Variants in NCOA3 observed in about 807,000 individuals in gnomAD.
NCOA3 encodes the protein CBP-interacting protein.
In NCOA3, 51 loss-of-function variants were observed where a neutral mutation model predicts 158.8. The ratio of observed to expected loss-of-function variants is 0.32; its 90% CI spans 0.26 to 0.41. The LOEUF is 0.41. Ranked by LOEUF, NCOA3 falls within the 10% of genes least tolerant of loss-of-function variation. The pLI is 1.00. For missense variants in NCOA3, 1,510 were observed against 1,746.6 expected (o/e 0.86, Z 2.41); for synonymous variants, 537 against 592.4 (o/e 0.91, Z 1.36).
At chr20:47,524,044 G>A (rs2084387228) in intron 1 of NCOA3, among the ~76,000 whole-genome samples, 1 of 152,236 alleles carries the variant, frequency 6.6e-6, no homozygotes, top group Non-Finnish European at 1.5e-5. Context: ...ATGGCTTAAA[G>A]GAATGTAGGA....
At chr20:47,645,665 G>C (rs558646877) in intron 17 of NCOA3, among the ~76,000 whole-genome samples, 5 of 152,136 alleles carry the variant, frequency 3.3e-5, no homozygotes, top group Non-Finnish European at 7.4e-5. Context: ...AGGTAAGCAT[G>C]CATGATCAGT....
intron 1 of NCOA3, among the ~76,000 whole-genome samples, chr20:47,539,896 C>G (rs1326937331): frequency 3.3e-5 from 5 of 152,142 alleles, no homozygotes; most frequent in African/African-American, 4.8e-5. Flanking sequence ...AATAACATGA[C>G]ATATTCTGAT....
chr20:47,505,216 C>T (rs2084013658), intron 1 of NCOA3, among the ~76,000 whole-genome samples: 2 of 151,012 alleles, frequency 1.3e-5, no homozygotes, highest in East Asian at 1.9e-4. Context: ...TGCGCACCAC[C>T]ACGCCCGGCT....
intron 10 of NCOA3, among the ~76,000 whole-genome samples, chr20:47,635,110 G>A (rs2086489215): frequency 6.6e-6 from 1 of 151,746 alleles, no homozygotes; most frequent in African/African-American, 2.4e-5. Flanking sequence ...TAAATTTTTT[G>A]TAGAGACATG....
At chr20:47,606,559 T>TCCTTAAGTACCTTTCACTGTAC (rs1568720981) in intron 2 of NCOA3, among the ~76,000 whole-genome samples, 2 of 152,328 alleles carry the variant, frequency 1.3e-5, no homozygotes, top group East Asian at 3.9e-4. Flanking sequence ...TTCCCTTTTT[T>TCCTTAAGTACCTTTCACTGTAC]CCTTAAGTAC....
chr20:47,526,093 C>G (rs2084441534), intron 1 of NCOA3, among the ~76,000 whole-genome samples: 1 of 148,322 alleles, frequency 6.7e-6, no homozygotes, highest in Admixed American at 6.7e-5. Flanking sequence ...ACGGGGTGGC[C>G]GGGCAGAGAC....
At chr20:47,609,300 C>T (rs1296850134) in intron 2 of NCOA3, among the ~76,000 whole-genome samples, 1 of 152,090 alleles carries the variant, frequency 6.6e-6, no homozygotes, top group African/African-American at 2.4e-5. Context: ...ATATGTTGAA[C>T]AGTGACCACT....
chr20:47,651,017 C>T lies in NCOA3; in HGVS notation c.3687C>T (p.Arg1229=). 1 of 1,614,158 alleles carries T rather than the reference C, an allele frequency of 6.2e-7. No homozygotes were observed. The highest frequency in any genetic ancestry group is 8.5e-7 in the Non-Finnish European group (1 of 1,180,034). The change falls in exon 20 of 23, where the codon CGC becomes CGT. Residue 1229 remains arginine (R), a synonymous_variant. Coordinates refer to ENST00000371998, the MANE Select transcript of NCOA3 (RefSeq NM_181659.3). ...TTAATGCTCAAATGGTCGCCCAACG[C>T]AGCAGAGAGCTGCTAAGTCATCACT... The part of the protein sequence containing the change: ...GFLNAQMVAQ[R]SRELLSHHFR...
At chr20:47,610,602 A>G (rs2086027386) in intron 2 of NCOA3, among the ~76,000 whole-genome samples, 1 of 152,190 alleles carries the variant, frequency 6.6e-6, no homozygotes, top group South Asian at 2.1e-4. Context: ...GAGGTCAGGA[A>G]AAAAAGGACT....
At chr20:47,634,256 TTA>T in intron 10 of NCOA3, 61 bp downstream of exon 10, 1 of 1,501,662 alleles carries the variant, frequency 6.7e-7, no homozygotes, top group South Asian at 1.3e-5. Flanking sequence ...AAATGCTTTA[TTA>T]TTAAAGTAAA....
intron 2 of NCOA3, among the ~76,000 whole-genome samples, chr20:47,585,861 A>G (rs1035122217): frequency 3.9e-5 from 6 of 152,078 alleles, no homozygotes; most frequent in African/African-American, 1.4e-4. Context: ...TTTCCCTGTA[A>G]AATCCCTCAG....
In NCOA3 at chr20:47,655,725, A is replaced by G. The variant is rs1480049457; in HGVS notation, c.*2308A>G. 6.6e-6 allele frequency: 1 copy of G among 152,568 alleles called. No individual in the cohort carries two copies. The highest frequency in any genetic ancestry group is 2.4e-5 in the African/African-American group (1 of 41,434). 9.5% of individuals were successfully genotyped at this position (152,568 alleles called of 1,614,324 possible). The stretch of plus-strand genomic sequence containing the variant: ...CTTTAAGTTATGTGTGTGGGGAGAA[A>G]TAGAATGGTGCTCTTATCTTTCTTG... On this transcript the variant is annotated 3_prime_UTR_variant, in exon 23 of 23. Coordinates refer to ENST00000371998, the MANE Select transcript of NCOA3 (RefSeq NM_181659.3).
At chr20:47,563,418 G>T (rs1244588974) in intron 1 of NCOA3, among the ~76,000 whole-genome samples, 1 of 152,146 alleles carries the variant, frequency 6.6e-6, no homozygotes, top group Non-Finnish European at 1.5e-5. Flanking sequence ...AGAAGGAATA[G>T]ATAGGCTATC....
intron 1 of NCOA3, among the ~76,000 whole-genome samples, chr20:47,561,301 T>C (rs1178589480): frequency 3.6e-5 from 5 of 138,862 alleles, no homozygotes; most frequent in African/African-American, 1.4e-4. Flanking sequence ...CAAGTTGACT[T>C]TTTTTTTTTT....
At chr20:47,609,290 A>G (rs915347003) in intron 2 of NCOA3, among the ~76,000 whole-genome samples, 1 of 152,136 alleles carries the variant, frequency 6.6e-6, no homozygotes, top group Non-Finnish European at 1.5e-5. Flanking sequence ...ATGACACCCG[A>G]TATGTTGAAC....
chr20:47,621,742 C>T (rs1190667292), intron 2 of NCOA3, among the ~76,000 whole-genome samples: 1 of 147,332 alleles, frequency 6.8e-6, no homozygotes, highest in Non-Finnish European at 1.5e-5. Flanking sequence ...GCAACGTCTA[C>T]CCCTCGGTTC....
In NCOA3 at chr20:47,592,128, C is replaced by T. The variant is rs144494905; in HGVS notation, c.-20+8867C>T. Among the ~76,000 whole-genome samples, 752 of 152,158 alleles carry T rather than the reference C, an allele frequency of 4.9e-3. 8 individuals are homozygous for T. The highest frequency in any genetic ancestry group is 0.017 in the African/African-American group (716 of 41,516). On this transcript the variant is annotated intron_variant, in intron 2 of 22. Coordinates refer to ENST00000371998, the MANE Select transcript of NCOA3 (RefSeq NM_181659.3). ...TGCTCTTTTGGCTCACTGCAACCTC[C>T]GCCTCCTGGGTTCAAGCAATTCTCC...
chr20:47,584,732 A>AGG (rs2085508047), intron 2 of NCOA3, among the ~76,000 whole-genome samples: 2 of 152,182 alleles, frequency 1.3e-5, no homozygotes, highest in Non-Finnish European at 2.9e-5. Context: ...GAGGAGGAGA[A>AGG]AGAAGAGGAA....
At chr20:47,628,910 T>C (rs1002888213) in intron 8 of NCOA3, 54 of 152,340 alleles carry the variant, frequency 3.5e-4, no homozygotes, top group African/African-American at 1.2e-3. Flanking sequence ...GTTTGTCATA[T>C]ATGCCCCATC....
Sources: gnomAD v4.1 joint callset for allele counts (sites outside exome capture counted in the v4.1 genomes callset) on GRCh38, gnomAD v4.1.1 for gene constraint, MANE v1.5 for transcripts, NCBI Gene and HGNC (gene_info 2026-07-23, HGNC 2026-07-21) for gene names.